The following NOS1AP variants were observed in gnomAD, a reference collection of about 807,000 sequenced individuals.
NOS1AP encodes nitric oxide synthase 1 adaptor protein.
A neutral mutation model predicts 56.2 loss-of-function variants in NOS1AP; 21 were observed. The ratio of observed to expected loss-of-function variants is 0.37; its 90% CI spans 0.26 to 0.54. NOS1AP has a LOEUF of 0.54. Among genes scored for constraint, NOS1AP ranks in the 20% least tolerant of loss-of-function variants. NOS1AP has a pLI of 0.84. For synonymous variants in NOS1AP, 270 were observed against 274.6 expected (o/e 0.98, Z 0.17); for missense variants, 522 against 657.8 (o/e 0.79, Z 2.26).
chr1:162,099,848 C>G (rs1188457669), intron 1 of NOS1AP, among the ~76,000 whole-genome samples: 6 of 151,708 alleles, frequency 4.0e-5, no homozygotes, highest in African/African-American at 1.4e-4. Flanking sequence ...TGTTCTCATT[C>G]TTCGATTCCC....
In NOS1AP at chr1:162,314,310, GGC is replaced by G. The variant is rs1288136848; in HGVS notation, c.344+13605_344+13606del. 5.9e-5 allele frequency among the ~76,000 whole-genome samples: 9 copies of G among 152,132 alleles called. 1 individual carries two copies. The highest frequency in any genetic ancestry group is 1.3e-4 in the Admixed American group (2 of 15,276). ...CGCCTCTCTGGGCCTGGCCCTAGAG[GGC>G]ATCTTTTACACTAATGATGGAAAAT... On this transcript the variant is annotated intron_variant, in intron 4 of 9. Transcript: ENST00000361897.
chr1:162,251,878 T>TG (rs1027942885), intron 2 of NOS1AP, among the ~76,000 whole-genome samples: 12 of 138,232 alleles, frequency 8.7e-5, no homozygotes, highest in Non-Finnish European at 1.4e-4. Context: ...TGTTTTTTTT[T>TG]TTTTTTTTTT....
At chr1:162,139,233 A>G (rs1649131662) in intron 1 of NOS1AP, among the ~76,000 whole-genome samples, 1 of 152,094 alleles carries the variant, frequency 6.6e-6, no homozygotes, top group South Asian at 2.1e-4. Flanking sequence ...GAAGACCACA[A>G]GGCTCTAACC....
At chr1:162,333,422 C>T (rs1468714276) in intron 5 of NOS1AP, among the ~76,000 whole-genome samples, 1 of 152,104 alleles carries the variant, frequency 6.6e-6, no homozygotes, top group Admixed American at 6.5e-5. Flanking sequence ...AGGAAAAAAG[C>T]ATTGTCATTT....
intron 2 of NOS1AP, among the ~76,000 whole-genome samples, chr1:162,247,243 G>A (rs113206880): frequency 0.025 from 3,813 of 152,186 alleles, 67 homozygotes; most frequent in Non-Finnish European, 0.039. Flanking sequence ...TCTTTCTCTC[G>A]TAATTCCTTC....
chr1:162,139,882 G>A (rs1193893339), intron 1 of NOS1AP, among the ~76,000 whole-genome samples: 1 of 151,940 alleles, frequency 6.6e-6, no homozygotes, highest in Non-Finnish European at 1.5e-5. Context: ...AGGCTGGAGG[G>A]CAGTGTGTGA....
rs1180156640 is a variant in NOS1AP, at chr1:162,365,093, C to T, written c.940-311C>T. On this transcript the variant is annotated intron_variant, in intron 8 of 9. Transcript: ENST00000361897. ...GTGTATATGTGCACGTGTGTGTGTA[C>T]GTGTGTGTGTGTGGCAGGTCTAGAG... 7.4e-6 allele frequency: 9 copies of T among 1,224,242 alleles called. No homozygotes were observed. In the East Asian group the frequency reaches 1.4e-4, roughly 19 times the overall value. 75.8% of individuals were successfully genotyped at this position (1,224,242 alleles called of 1,614,324 possible).
chr1:162,336,762 C>T (rs543018516), intron 5 of NOS1AP, among the ~76,000 whole-genome samples: 1 of 152,346 alleles, frequency 6.6e-6, no homozygotes, highest in African/African-American at 2.4e-5. Flanking sequence ...CTTGAGTTTT[C>T]TCTAGCCATC....
At chr1:162,366,420 T>A (rs1489081829) in intron 9 of NOS1AP, among the ~76,000 whole-genome samples, 1 of 152,200 alleles carries the variant, frequency 6.6e-6, no homozygotes, top group African/African-American at 2.4e-5. Context: ...GTTATAGGCC[T>A]AGCAAGGAGC....
intron 1 of NOS1AP, among the ~76,000 whole-genome samples, chr1:162,128,974 T>G (rs1648621362): frequency 6.6e-6 from 1 of 152,184 alleles, no homozygotes; most frequent in Non-Finnish European, 1.5e-5. Flanking sequence ...TTTAGGAGAT[T>G]CTCATTAGGC....
chr1:162,186,165 C>T (rs905054934), intron 2 of NOS1AP, among the ~76,000 whole-genome samples: 3 of 152,158 alleles, frequency 2.0e-5, no homozygotes, highest in Middle Eastern at 3.2e-3. Context: ...TTAAGAAACA[C>T]TCAGTGAAGC....
intron 4 of NOS1AP, among the ~76,000 whole-genome samples, chr1:162,328,149 T>C (rs1345612384): frequency 6.6e-6 from 1 of 152,140 alleles, no homozygotes; most frequent in Non-Finnish European, 1.5e-5. Flanking sequence ...ACTTGGAAAA[T>C]GAGCCAACTG....
chr1:162,343,793 C>G (rs111478676), intron 5 of NOS1AP, 42 bp from the exon 6 acceptor site: 9 of 1,612,646 alleles, frequency 5.6e-6, no homozygotes, highest in African/African-American at 2.7e-5. Context: ...ATGCCCCTTG[C>G]GCATCCTCAC....
Position 162,155,257 on chromosome 1 carries a change from TATATATATACAC to T in NOS1AP, c.177+785_177+796del, listed in dbSNP as rs1214133936. Among the ~76,000 whole-genome samples, 9 of 146,294 alleles carry T rather than the reference TATATATATACAC, an allele frequency of 6.2e-5. 2 individuals carry two copies. The highest frequency in any genetic ancestry group is 2.0e-4 in the African/African-American group (8 of 40,392). On this transcript the variant is annotated intron_variant, in intron 2 of 9. Transcript: ENST00000361897. ...ATATACATATACATATACACATACATATATATATACACATACATATACACATATATACATATA... is the reference window on the plus strand; with the variant it reads ...ATATACATATACATATACACATACATATACATATACACATATATACATATA...
intron 3 of NOS1AP, among the ~76,000 whole-genome samples, chr1:162,289,187 C>T (rs531549878): frequency 1.4e-5 from 2 of 138,892 alleles, no homozygotes; most frequent in Admixed American, 1.5e-4. Context: ...CTTTGTTTGC[C>T]TTTCTTTCCT....
At chr1:162,288,623 C>T (rs1196295714) in intron 3 of NOS1AP, among the ~76,000 whole-genome samples, 1 of 152,338 alleles carries the variant, frequency 6.6e-6, no homozygotes, top group East Asian at 1.9e-4. Flanking sequence ...GAGGCAGCCC[C>T]TTTCCTCTCT....
At chr1:162,264,291 G>A (rs1262281383) in intron 2 of NOS1AP, among the ~76,000 whole-genome samples, 2 of 151,950 alleles carry the variant, frequency 1.3e-5, no homozygotes, top group East Asian at 1.9e-4. Flanking sequence ...GTCTTTCCTG[G>A]GGTCATGCTG....
chr1:162,194,660 G>A (rs902167593), intron 2 of NOS1AP, among the ~76,000 whole-genome samples: 1 of 152,152 alleles, frequency 6.6e-6, no homozygotes, highest in Non-Finnish European at 1.5e-5. Flanking sequence ...CTGGGGATTT[G>A]GCAAGGTTGC....
chr1:162,335,476 C>CT (rs964320668), intron 5 of NOS1AP, among the ~76,000 whole-genome samples: 7 of 152,304 alleles, frequency 4.6e-5, no homozygotes, highest in Admixed American at 2.0e-4. Flanking sequence ...GGTGATTTAC[C>CT]TTTTTTATAA....
Sources: allele counts gnomAD v4.1 joint callset (sites outside exome capture counted in the v4.1 genomes callset), GRCh38; gene constraint gnomAD v4.1.1; transcripts MANE v1.5; gene names NCBI Gene and HGNC (gene_info 2026-07-23, HGNC 2026-07-21).